Variants in HUWE1 observed in about 807,000 individuals in gnomAD.
HUWE1 encodes E3 ubiquitin-protein ligase HUWE1.
In HUWE1, 18 loss-of-function variants were observed where a neutral mutation model predicts 299.4. That is an observed-to-expected ratio of 0.06 (90% CI 0.04 to 0.09). HUWE1 has a LOEUF of 0.09. HUWE1 is among the 10% of genes least tolerant of loss of function. HUWE1 has a pLI of 1.00. For missense variants in HUWE1, 1,832 were observed against 3,462.3 expected (o/e 0.53, Z 11.82); for synonymous variants, 1,317 against 1,286.1 (o/e 1.02, Z -0.51).
intron 7 of HUWE1, 24 bp downstream of exon 7, chrX:53,645,287 T>C: frequency 1.7e-6 from 2 of 1,209,347 alleles, no homozygotes; most frequent in Non-Finnish European, 2.2e-6. Flanking sequence ...TTTGCACCCC[T>C]CCAACTCTTC....
intron 7 of HUWE1, among the ~76,000 whole-genome samples, chrX:53,635,186 T>C: frequency 9.1e-6 from 1 of 110,362 alleles, no homozygotes; most frequent in East Asian, 2.8e-4. Flanking sequence ...GAGATTTTTA[T>C]ATTACAAATA....
chrX:53,564,622 T>C lies in HUWE1; in HGVS notation c.6981A>G (p.Ser2327=). 1 of 1,211,624 alleles carries C rather than the reference T, an allele frequency of 8.3e-7. No homozygotes were observed. Among genetic ancestry groups the C allele is most frequent in the African/African-American group, 1.7e-5 (1 of 57,791 alleles). The change falls in exon 51 of 84, where the codon TCA becomes TCG. Residue 2327 remains serine, a synonymous_variant. Transcript: ENST00000262854. ...DIMDGEAETD[S]VVIAGQPEVL... ...CCTCAGGCTGCCCAGCAATCACCACTGAGTCGGTTTCAGCCTCCCCATCCA... is the reference window on the plus strand; with the variant it reads ...CCTCAGGCTGCCCAGCAATCACCACCGAGTCGGTTTCAGCCTCCCCATCCA...
rs266786 is a variant in HUWE1, at chrX:53,580,794, A to C, written c.5716+37T>G. 525,591 of 1,182,613 alleles carry C rather than the reference A, an allele frequency of 0.44. 81,520 individuals are homozygous for C. The highest frequency in any genetic ancestry group is 0.52 in the South Asian group (28,830 of 55,925). On this transcript the variant is annotated intron_variant, in intron 43 of 83. Coordinates refer to ENST00000262854, the MANE Select transcript of HUWE1 (RefSeq NM_031407.7). Reference sequence around the variant, plus strand: ...ATTTCTGGATTTATACCAGGCCACAAACTTAATATCAAAGGCCAGGAGCAA... The same window carrying C: ...ATTTCTGGATTTATACCAGGCCACACACTTAATATCAAAGGCCAGGAGCAA...
intron 60 of HUWE1, among the ~76,000 whole-genome samples, chrX:53,555,330 CTA>C (rs1373808692): frequency 9.0e-6 from 1 of 111,686 alleles, no homozygotes; most frequent in Non-Finnish European, 1.9e-5. Context: ...GTTCAAAACT[CTA>C]TTTGTTTTTT....
In HUWE1 at chrX:53,654,134, G is replaced by GA; in HGVS notation, c.-24-4dup. On this transcript the variant is annotated splice_region_variant and splice_polypyrimidine_tract_variant and intron_variant, in intron 3 of 83. Coordinates refer to ENST00000262854, the MANE Select transcript of HUWE1 (RefSeq NM_031407.7). ...ATTTCAATTTTCAGCTTTACGATCT[G>GA]AAAAAAGAAAATCCCAAAAGAAGTG... 1 of 1,091,356 alleles carries GA rather than the reference G, an allele frequency of 9.2e-7. No homozygotes were observed. The highest frequency in any genetic ancestry group is 1.9e-5 in the South Asian group (1 of 52,327). The allele number at this position is 1,091,356 out of a possible 1,213,427, so 89.9% of individuals were successfully genotyped here. A position where few individuals can be genotyped will look rare whatever the true frequency, so the allele number is the denominator to read the frequency against.
chrX:53,535,825 G>A, intron 80 of HUWE1: 1 of 373,549 alleles, frequency 2.7e-6, no homozygotes. Context: ...GAATTTAGGA[G>A]AAGAGTAACC....
At chrX:53,598,062 C>T (rs377310097) in intron 29 of HUWE1, among the ~76,000 whole-genome samples, 61 of 111,419 alleles carry the variant, frequency 5.5e-4, no homozygotes, top group African/African-American at 1.9e-3. Context: ...ATATGAATCT[C>T]AGTGAAATTC....
At chrX:53,599,299 TA>T (rs2148574543) in intron 29 of HUWE1, among the ~76,000 whole-genome samples, 1 of 112,443 alleles carries the variant, frequency 8.9e-6, no homozygotes, top group South Asian at 3.7e-4. Context: ...AGAATTAAAC[TA>T]ATTAAAAGTA....
At chrX:53,624,736 G>T in intron 18 of HUWE1, 61 bp from the exon 19 acceptor site, 1 of 805,562 alleles carries the variant, frequency 1.2e-6, no homozygotes, top group Non-Finnish European at 1.9e-6. Flanking sequence ...GAGGAGTGGG[G>T]ATAATTGAGT....
At chrX:53,536,106 G>C (rs782649014) in intron 80 of HUWE1, 41 bp downstream of exon 80, 8 of 874,881 alleles carry the variant, frequency 9.1e-6, no homozygotes, top group East Asian at 3.1e-5. Context: ...GGATCTTCCA[G>C]ATTGGCTGGG....
In HUWE1 at chrX:53,583,865, T is replaced by A; in HGVS notation, c.5213A>T (p.Glu1738Val). 2.5e-6 allele frequency: 3 copies of A among 1,208,778 alleles called. No homozygotes were observed. The highest frequency in any genetic ancestry group is 4.4e-5 in the Admixed American group (2 of 45,745). ...CAGGATCTCCCCGATTTTTGTTTCC[T>A]CCAGGCTTGTCTCCTTTTCAGTGTT... is the stretch of plus-strand genomic sequence containing the variant. ...STNTEKETSL[E>V]ETKIGEILIQ... The change falls in exon 42 of 84, where the codon GAG becomes GTG. Residue 1738 changes from glutamate to valine, a missense_variant. This residue lies in a region of HUWE1 where 46 missense variants were observed against 42.6 expected (regional missense o/e 1.08). Coordinates refer to ENST00000262854, the MANE Select transcript of HUWE1 (RefSeq NM_031407.7).
chrX:53,681,573 A>G (rs1330204455), intron 2 of HUWE1, among the ~76,000 whole-genome samples: 1 of 112,173 alleles, frequency 8.9e-6, no homozygotes, highest in African/African-American at 3.2e-5. Context: ...TGCTATGGAA[A>G]AGAAGCTGGG....
chrX:53,548,477 C>T (rs1423831047), intron 67 of HUWE1, among the ~76,000 whole-genome samples: 9 of 112,718 alleles, frequency 8.0e-5, no homozygotes, highest in Non-Finnish European at 1.7e-4. Flanking sequence ...TACAGACTCA[C>T]GAGCAAACTT....
chrX:53,533,490 C>A (rs782154518), intron 83 of HUWE1, 79 bp from the exon 84 acceptor site: 23 of 658,258 alleles, frequency 3.5e-5, no homozygotes, highest in Non-Finnish European at 5.1e-5. Context: ...TGCCCACCAG[C>A]CCCTCCCCTC....
At chrX:53,660,866 T>C (rs2068964304) in intron 3 of HUWE1, among the ~76,000 whole-genome samples, 1 of 94,337 alleles carries the variant, frequency 1.1e-5, no homozygotes, top group African/African-American at 3.4e-5. Flanking sequence ...ATTCATATGA[T>C]ATTTTTTCAT....
At position 53,565,132 on chromosome X, in the gene HUWE1, T is replaced by C; in HGVS notation, c.6815A>G (p.Lys2272Arg). ...TTGGGCATCCTGCTCAGACTTGTTC[T>C]TGCTAGAAGCACTCTTGCTGCCAAA... ...SLFGSKSASS[K>R]NKSEQDAQGA... The change falls in exon 50 of 84, where the codon AAG (lysine) becomes AGG (arginine). Residue 2272 changes from lysine to arginine, a missense_variant. Transcript: ENST00000262854. 1 of 1,211,808 alleles carries C rather than the reference T, an allele frequency of 8.3e-7. No individual in the cohort carries two copies. Among genetic ancestry groups the C allele is most frequent in the Non-Finnish European group, 1.1e-6 (1 of 895,362 alleles).
rs369268123 is a variant in HUWE1 at position 53,576,962 on chromosome X, G to C, written c.5822C>G (p.Thr1941Ser). ...CATATCATAGATCACTTCCTTGATA[G>C]TATCAGGGATGACAGGCAGAGGTGA... ...KPSPLPVIPD[T>S]IKEVIYDMLN... The change falls in exon 44 of 84, where the codon ACT (threonine) becomes AGT (serine). Residue 1941 changes from threonine to serine, a missense_variant. Physicochemically the swap from Thr to Ser is moderately conservative, Grantham distance 58 (BLOSUM62 1). This residue lies in a region of HUWE1 where 157 missense variants were observed against 252.3 expected (regional missense o/e 0.62). Coordinates refer to ENST00000262854, the MANE Select transcript of HUWE1 (RefSeq NM_031407.7). 8.3e-7 allele frequency: 1 copy of C among 1,197,677 alleles called. No homozygotes were observed. Among genetic ancestry groups the C allele is most frequent in the Non-Finnish European group, 1.1e-6 (1 of 882,684 alleles).
At chrX:53,576,141 G>A (rs1181508355) in intron 44 of HUWE1, among the ~76,000 whole-genome samples, 1 of 111,947 alleles carries the variant, frequency 8.9e-6, no homozygotes, top group African/African-American at 3.3e-5. Context: ...TGGGGTGATA[G>A]GAGAACCAAG....
chrX:53,581,029 A>G lies in HUWE1; in HGVS notation c.5521-3T>C, dbSNP rs782215355. 2.3e-5 allele frequency: 27 copies of G among 1,190,485 alleles called. No individual in the cohort carries two copies. On this transcript the variant is annotated splice_polypyrimidine_tract_variant and splice_region_variant and intron_variant, in intron 42 of 83. Transcript: ENST00000262854. Reference sequence around the variant, plus strand: ...CTTGTAGCTGCTGAGCGAACAACCTAGTAAAGAGAGAAAGAAACACTGTCG... The same window carrying G: ...CTTGTAGCTGCTGAGCGAACAACCTGGTAAAGAGAGAAAGAAACACTGTCG...
Sources: allele counts gnomAD v4.1 joint callset (sites outside exome capture counted in the v4.1 genomes callset), GRCh38; gene constraint gnomAD v4.1.1; regional missense constraint gnomAD v4.1.1; transcripts MANE v1.5; gene names NCBI Gene and HGNC (gene_info 2026-07-23, HGNC 2026-07-21).